Variants in MACROD2 observed in about 807,000 individuals in gnomAD.
The protein encoded by MACROD2 is mono-ADP ribosylhydrolase 2.
A neutral mutation model predicts 70.4 loss-of-function variants in MACROD2; 36 were observed. That is an observed-to-expected ratio of 0.51 (90% CI 0.39 to 0.68). The LOEUF (loss-of-function observed/expected upper bound fraction) is 0.68, where lower values mean the gene tolerates loss of function less well. MACROD2 is among the 30% of genes least tolerant of loss of function. The pLI, the probability that MACROD2 is intolerant of heterozygous loss-of-function variation, is 0.00. For synonymous variants in MACROD2, 172 were observed against 178.8 expected (o/e 0.96, Z 0.30); for missense variants, 496 against 538.4 (o/e 0.92, Z 0.78).
chr20:15,451,783 C>G (rs1280548680), intron 7 of MACROD2, among the ~76,000 whole-genome samples: 1 of 152,130 alleles, frequency 6.6e-6, no homozygotes, highest in Non-Finnish European at 1.5e-5. Context: ...CTGTCACTAC[C>G]ACTACCCATA....
Position 14,862,056 on chromosome 20 carries a change from T to TATATAAATATATAAAA in MACROD2, c.418+177102_418+177103insAATATATAAAAATATA, listed in dbSNP as rs1568838895. On this transcript the variant is annotated intron_variant, in intron 5 of 17. Transcript: ENST00000684519. ...ATATATATTTATATATATATTTATA[T>TATATAAATATATAAAA]ATATATAAATATATATAAATATATA... 2.0e-3 allele frequency among the ~76,000 whole-genome samples: 33 copies of TATATAAATATATAAAA among 16,714 alleles called. 2 individuals are homozygous for TATATAAATATATAAAA. Among genetic ancestry groups the TATATAAATATATAAAA allele is most frequent in the African/African-American group, 3.4e-3 (17 of 5,056 alleles). The allele number at this position is 16,714 out of a possible 152,430, so 11.0% of individuals were successfully genotyped here.
chr20:14,816,516 T>C (rs1476108124), intron 5 of MACROD2, among the ~76,000 whole-genome samples: 1 of 152,074 alleles, frequency 6.6e-6, no homozygotes, highest in Non-Finnish European at 1.5e-5. Flanking sequence ...TTGCCTTATC[T>C]CCATTTTTCA....
chr20:15,287,501 A>G (rs990676267), intron 6 of MACROD2, among the ~76,000 whole-genome samples: 4 of 152,234 alleles, frequency 2.6e-5, no homozygotes, highest in African/African-American at 9.6e-5. Flanking sequence ...TTGGAGGTAC[A>G]TGACAAAGGA....
At position 16,052,153 on chromosome 20, in the gene MACROD2, T is replaced by A. The variant is rs1321600822; in HGVS notation, c.*2277T>A. 6.6e-6 allele frequency: 1 copy of A among 152,246 alleles called. No homozygotes were observed. Among genetic ancestry groups the A allele is most frequent in the Non-Finnish European group, 1.5e-5 (1 of 68,048 alleles). The allele number at this position is 152,246 out of a possible 1,614,324, so 9.4% of individuals were successfully genotyped here. A position where few individuals can be genotyped will look rare whatever the true frequency, so the allele number is the denominator to read the frequency against. On this transcript the variant is annotated 3_prime_UTR_variant, in exon 18 of 18. Transcript: ENST00000684519. ...TTTATTCTTCCATCTATAATTAGAT[T>A]GTGTTTTCATTTTTGCTTTGTCATG...
chr20:15,861,761 C>G (rs1182200681), intron 8 of MACROD2, among the ~76,000 whole-genome samples: 1 of 152,174 alleles, frequency 6.6e-6, no homozygotes, highest in Admixed American at 6.5e-5. Context: ...CTGCATCACA[C>G]AGGTTTGGAG....
intron 4 of MACROD2, among the ~76,000 whole-genome samples, chr20:14,528,198 C>T (rs1005700226): frequency 6.6e-6 from 1 of 151,800 alleles, no homozygotes; most frequent in Non-Finnish European, 1.5e-5. Flanking sequence ...CAACCTCTGC[C>T]TCCTGGGTTC....
chr20:14,363,085 G>A lies in MACROD2; in HGVS notation c.272-130394G>A, dbSNP rs191942087. Among the ~76,000 whole-genome samples, 714 of 152,196 alleles carry A rather than the reference G, an allele frequency of 4.7e-3. 2 individuals are homozygous for A. The highest frequency in any genetic ancestry group is 0.017 in the African/African-American group (694 of 41,522). ...TAGCCCTGAAGACTCATATCACTCA[G>A]CTCCACCTCTTCACCTGGGGTTTGG... On this transcript the variant is annotated intron_variant, in intron 3 of 17. Transcript: ENST00000684519.
intron 5 of MACROD2, among the ~76,000 whole-genome samples, chr20:14,696,901 G>A (rs1054186946): frequency 6.6e-6 from 1 of 152,062 alleles, no homozygotes; most frequent in Non-Finnish European, 1.5e-5. Flanking sequence ...GTTTGTTCTT[G>A]CTTTTATGTT....
chr20:14,367,355 C>A (rs1021144195), intron 3 of MACROD2, among the ~76,000 whole-genome samples: 1 of 152,130 alleles, frequency 6.6e-6, no homozygotes, highest in Non-Finnish European at 1.5e-5. Flanking sequence ...CATGCAGTTA[C>A]TTTTACTAGA....
chr20:15,270,167 T>G (rs2077333030), intron 6 of MACROD2, among the ~76,000 whole-genome samples: 1 of 151,826 alleles, frequency 6.6e-6, no homozygotes, highest in Non-Finnish European at 1.5e-5. Flanking sequence ...TTTTTTTTTT[T>G]TTTTTGGCTG....
chr20:15,557,961 A>G (rs1004273229), intron 8 of MACROD2, among the ~76,000 whole-genome samples: 2 of 152,200 alleles, frequency 1.3e-5, no homozygotes, highest in African/African-American at 4.8e-5. Flanking sequence ...AAACTCACAT[A>G]GTAATAATCT....
intron 5 of MACROD2, among the ~76,000 whole-genome samples, chr20:14,781,075 C>G (rs1009661640): frequency 6.6e-6 from 1 of 151,972 alleles, no homozygotes. Flanking sequence ...TCTCTGTTTG[C>G]TGTTTTGAAA....
At chr20:15,147,707 G>C (rs1040566943) in intron 5 of MACROD2, among the ~76,000 whole-genome samples, 1 of 152,136 alleles carries the variant, frequency 6.6e-6, no homozygotes, top group African/African-American at 2.4e-5. Context: ...ATGTGCGTCC[G>C]TGTGAACAGA....
At chr20:14,551,638 T>C (rs1978658769) in intron 4 of MACROD2, among the ~76,000 whole-genome samples, 1 of 152,172 alleles carries the variant, frequency 6.6e-6, no homozygotes, top group African/African-American at 2.4e-5. Flanking sequence ...AAGGGAAAAC[T>C]TCCCTGCACA....
At chr20:14,551,021 T>A (rs1978617811) in intron 4 of MACROD2, among the ~76,000 whole-genome samples, 1 of 152,168 alleles carries the variant, frequency 6.6e-6, no homozygotes, top group Admixed American at 6.5e-5. Context: ...ATATTCAAGT[T>A]GGAGAGGGAA....
chr20:14,164,107 CT>C (rs371907045), intron 3 of MACROD2, among the ~76,000 whole-genome samples: 45 of 146,506 alleles, frequency 3.1e-4, no homozygotes, highest in East Asian at 1.4e-3. Flanking sequence ...TAGGGGAGAA[CT>C]TTTTTTTTTT....
intron 4 of MACROD2, chr20:14,631,939 T>C (rs1984537982): frequency 6.6e-6 from 1 of 152,200 alleles, no homozygotes. Context: ...TCTTAGACAA[T>C]GGCCATCTGA....
intron 3 of MACROD2, among the ~76,000 whole-genome samples, chr20:14,228,965 A>T (rs1307016222): frequency 6.8e-6 from 1 of 147,772 alleles, no homozygotes; most frequent in African/African-American, 2.5e-5. Flanking sequence ...AGCCAGGATC[A>T]TGCCACAGCA....
At position 14,642,584 on chromosome 20, in the gene MACROD2, A is replaced by G. The variant is rs73260860; in HGVS notation, c.302-42259A>G. 2.8e-3 allele frequency among the ~76,000 whole-genome samples: 422 copies of G among 152,246 alleles called. 2 individuals carry two copies. The highest frequency in any genetic ancestry group is 9.3e-3 in the African/African-American group (387 of 41,544). On this transcript the variant is annotated intron_variant, in intron 4 of 17. Transcript: ENST00000684519. ...CACTTGAACAACTAGAGGCCATTAT[A>G]TAGTTATTAAGTGGCCTAATTTCAA... is the stretch of plus-strand genomic sequence containing the variant.
Sources: gnomAD v4.1 joint callset for allele counts (sites outside exome capture counted in the v4.1 genomes callset) on GRCh38, gnomAD v4.1.1 for gene constraint, MANE v1.5 for transcripts, NCBI Gene and HGNC (gene_info 2026-07-23, HGNC 2026-07-21) for gene names.